Variants in PIN4 observed in about 807,000 individuals in gnomAD.
PIN4 encodes peptidylprolyl cis/trans isomerase, NIMA-interacting 4, also known as peptidyl-prolyl cis-trans isomerase NIMA-interacting 4.
PIN4 carries 3 observed loss-of-function variants against 8.3 expected under a neutral mutation model. That is an observed-to-expected ratio of 0.36 (90% CI 0.16 to 0.93). The LOEUF is 0.93. Ranked by LOEUF, PIN4 falls within the 40% of genes least tolerant of loss-of-function variation. The probability of loss-of-function intolerance (pLI) is 0.44; values close to 1 mark genes in which losing one functional copy is unlikely to be tolerated. For synonymous variants in PIN4, 18 were observed against 32.5 expected, an observed-to-expected ratio of 0.55 and a Z score of 1.52; for missense variants, 75 against 100.6, an observed-to-expected ratio of 0.75 and a Z score of 1.09.
At chrX:72,206,611 A>C in intron 3 of PIN4, 3 of 1,211,428 alleles carry the variant, frequency 2.5e-6, no homozygotes, top group East Asian at 3.0e-5. Context: ...TTGTTGTTCC[A>C]TCAGGAACTC....
intron 3 of PIN4, among the ~76,000 whole-genome samples, chrX:72,235,857 A>G (rs2043014710): frequency 8.9e-6 from 1 of 112,013 alleles, no homozygotes; most frequent in Admixed American, 9.5e-5. Context: ...TCGGGAGGCC[A>G]TTACTCTGCT....
At chrX:72,222,743 G>A (rs754541652) in intron 3 of PIN4, among the ~76,000 whole-genome samples, 12 of 108,850 alleles carry the variant, frequency 1.1e-4, no homozygotes, top group South Asian at 8.3e-4. Flanking sequence ...GATTACAGGC[G>A]CGTGTCACCA....
chrX:72,189,396 C>G (rs973126567), intron 2 of PIN4, among the ~76,000 whole-genome samples: 5 of 111,118 alleles, frequency 4.5e-5, no homozygotes, highest in Non-Finnish European at 9.4e-5. Context: ...AGCAACTTAT[C>G]TGTTCTCCAT....
chrX:72,201,828 C>T, downstream of PIN4, among the ~76,000 whole-genome samples: 1 of 112,891 alleles, frequency 8.9e-6, no homozygotes, highest in South Asian at 3.6e-4. Context: ...TGTCCAGGTT[C>T]TTGGCATCTT....
intron 2 of PIN4, among the ~76,000 whole-genome samples, 161 bp from the exon 3 acceptor site, chrX:72,196,624 G>A (rs2042767373): frequency 9.0e-6 from 1 of 110,848 alleles, no homozygotes; most frequent in South Asian, 3.7e-4. Context: ...TATGGGGAAT[G>A]GGATTGTGGT....
chrX:72,254,257 C>T (rs1034560696), intron 3 of PIN4, among the ~76,000 whole-genome samples: 5 of 111,725 alleles, frequency 4.5e-5, no homozygotes, highest in Non-Finnish European at 9.4e-5. Flanking sequence ...TTTGCTGTCC[C>T]CTTGGCCAGT....
chrX:72,219,905 C>A (rs767693815), intron 3 of PIN4, among the ~76,000 whole-genome samples: 1 of 110,136 alleles, frequency 9.1e-6, no homozygotes, highest in East Asian at 2.9e-4. Flanking sequence ...GAAGAGAAGT[C>A]GCAAGAGCAG....
intron 3 of PIN4, among the ~76,000 whole-genome samples, chrX:72,261,682 G>A (rs1321890113): frequency 1.8e-5 from 2 of 111,972 alleles, no homozygotes; most frequent in Non-Finnish European, 3.8e-5. Context: ...ATTAGACCTG[G>A]TTATTATAAA....
chrX:72,181,716 C>A, upstream of PIN4: 4 of 1,079,596 alleles, frequency 3.7e-6, no homozygotes, highest in Non-Finnish European at 5.2e-6. Flanking sequence ...AGGACATGCC[C>A]ATGGCGGGGC....
intron 3 of PIN4, chrX:72,256,111 C>G (rs1332222600): frequency 8.9e-6 from 1 of 111,750 alleles, no homozygotes. Context: ...TACTAAGCAC[C>G]TACTATATGT....
intron 1 of PIN4, among the ~76,000 whole-genome samples, chrX:72,183,444 C>A (rs1203705712): frequency 9.0e-6 from 1 of 111,510 alleles, no homozygotes; most frequent in Non-Finnish European, 1.9e-5. Flanking sequence ...AGGATGTGAT[C>A]CTAGGACAGG....
chrX:72,223,406 T>G (rs1275002312), intron 3 of PIN4, among the ~76,000 whole-genome samples: 1 of 105,581 alleles, frequency 9.5e-6, no homozygotes, highest in Non-Finnish European at 1.9e-5. Context: ...AATGCGGCCT[T>G]TGGAGACAGT....
intron 3 of PIN4, among the ~76,000 whole-genome samples, chrX:72,229,689 G>C (rs906712175): frequency 9.0e-6 from 1 of 111,478 alleles, no homozygotes; most frequent in Admixed American, 9.6e-5. Context: ...CATTGGACTT[G>C]TTCCTCCTGA....
downstream of PIN4, among the ~76,000 whole-genome samples, chrX:72,200,320 A>C (rs1280140359): frequency 1.8e-5 from 2 of 112,278 alleles, no homozygotes; most frequent in Admixed American, 1.9e-4. Flanking sequence ...TTGCAAATTA[A>C]AATCAAAATA....
intron 3 of PIN4, among the ~76,000 whole-genome samples, chrX:72,257,164 C>CA (rs1369800915): frequency 9.1e-6 from 1 of 110,397 alleles, no homozygotes; most frequent in South Asian, 3.8e-4. Context: ...ACTAAAAATA[C>CA]AAAAAAATTA....
At chrX:72,215,249 C>T (rs2042881465) in intron 3 of PIN4, among the ~76,000 whole-genome samples, 1 of 111,416 alleles carries the variant, frequency 9.0e-6, no homozygotes, top group Non-Finnish European at 1.9e-5. Flanking sequence ...TGGGAAAGGG[C>T]GTGAGGGCAC....
intron 2 of PIN4, among the ~76,000 whole-genome samples, chrX:72,196,379 C>T (rs971329117): frequency 4.6e-5 from 5 of 109,880 alleles, no homozygotes; most frequent in African/African-American, 1.7e-4. Flanking sequence ...ACTAAAAATA[C>T]AAAAATTAGC....
intron 3 of PIN4, among the ~76,000 whole-genome samples, chrX:72,214,672 C>CAAAAAAA (rs58451189): frequency 4.8e-5 from 2 of 41,986 alleles, no homozygotes; most frequent in Non-Finnish European, 4.7e-5. Flanking sequence ...GACTCCATCT[C>CAAAAAAA]AAAAAAAAAA....
intron 3 of PIN4, chrX:72,255,906 C>T (rs915571302): frequency 3.6e-5 from 4 of 111,350 alleles, no homozygotes; most frequent in African/African-American, 1.3e-4. Flanking sequence ...TAATTTGGTT[C>T]TGGAAACTCC....
Sources: gnomAD v4.1 joint callset for allele counts (sites outside exome capture counted in the v4.1 genomes callset) on GRCh38, gnomAD v4.1.1 for gene constraint, MANE v1.5 for transcripts, NCBI Gene and HGNC (gene_info 2026-07-23, HGNC 2026-07-21) for gene names.